The following DMXL1 variants were observed in gnomAD, a reference collection of about 807,000 sequenced individuals.
DMXL1 encodes the protein Dmx like 1, also known as dmX-like protein 1.
DMXL1 carries 99 observed loss-of-function variants against 319.2 expected under a neutral mutation model. That is an observed-to-expected ratio of 0.31 (90% CI 0.26 to 0.37). The LOEUF (loss-of-function observed/expected upper bound fraction) is 0.37. DMXL1 is among the 10% of genes least tolerant of loss of function. The probability of loss-of-function intolerance (pLI) is 1.00; values close to 1 mark genes in which losing one functional copy is unlikely to be tolerated. For synonymous variants in DMXL1, 1,385 were observed against 1,235.2 expected, an observed-to-expected ratio of 1.12 and a Z score of -2.54; for missense variants, 3,745 against 3,595.6, an observed-to-expected ratio of 1.04 and a Z score of -1.06.
chr5:119,133,366 G>C lies in DMXL1; in HGVS notation c.1550G>C (p.Gly517Ala). The stretch of plus-strand genomic sequence containing the variant: ...GATTGGCTGGATGAATACCAGCCTG[G>C]TATGTTTCGTCAAGTACAGGTACTA... ...HVDWLDEYQP[G>A]MFRQVQVSFV... Residue 517 changes from glycine to alanine, a missense_variant, in exon 11 of 44, where the codon GGT (glycine) becomes GCT (alanine). Physicochemically the swap from Gly to Ala is moderately conservative, Grantham distance 60. Around this residue, in one of 4 missense-constraint regions of DMXL1, gnomAD observed 2,096 missense variants for 1,985.4 expected, o/e 1.06. Transcript: ENST00000539542. 1 of 1,612,446 alleles carries C rather than the reference G, an allele frequency of 6.2e-7. No individual in the cohort carries two copies. Among genetic ancestry groups the C allele is most frequent in the Non-Finnish European group, 8.5e-7 (1 of 1,178,652 alleles).
At chr5:119,089,464 C>T (rs1316323029) in intron 1 of DMXL1, among the ~76,000 whole-genome samples, 4 of 149,562 alleles carry the variant, frequency 2.7e-5, no homozygotes, top group Non-Finnish European at 5.9e-5. Context: ...CACCACCACA[C>T]CCTGCTCATT....
At chr5:119,072,246 A>G (rs1226895271) in intron 1 of DMXL1, among the ~76,000 whole-genome samples, 1 of 152,178 alleles carries the variant, frequency 6.6e-6, no homozygotes, top group Non-Finnish European at 1.5e-5. Flanking sequence ...TAACCTGGTA[A>G]TCCCAGGTTA....
At chr5:119,091,944 G>C (rs995739664) in intron 1 of DMXL1, among the ~76,000 whole-genome samples, 4 of 152,118 alleles carry the variant, frequency 2.6e-5, no homozygotes, top group Non-Finnish European at 4.4e-5. Flanking sequence ...TATTTCTTTA[G>C]GCACTTGTGA....
At chr5:119,199,567 C>A (rs181971113) in intron 32 of DMXL1, among the ~76,000 whole-genome samples, 27 of 152,048 alleles carry the variant, frequency 1.8e-4, no homozygotes, top group Non-Finnish European at 2.4e-4. Context: ...TTTATATTAC[C>A]CTAGGTATAT....
At position 119,193,867 on chromosome 5, in the gene DMXL1, T is replaced by C; in HGVS notation, c.7354T>C (p.Ser2452Pro). Residue 2452 changes from serine (S) to proline (P), a missense_variant, in exon 30 of 44, where the codon TCA (serine) becomes CCA (proline). By Grantham distance (74) the Ser-to-Pro change is moderately conservative. Around this residue, in one of 4 missense-constraint regions of DMXL1, gnomAD observed 1,382 missense variants for 1,269.5 expected, o/e 1.09. Transcript: ENST00000539542. ...PSSQSRAEYD[S>P]EESLGSDDDD... is the part of the protein sequence containing the mutation. ...TTCTCAAAGTAGAGCCGAATATGAT[T>C]CAGAGGAGAGTCTGGGAAGTGATGA... 6.2e-7 allele frequency: 1 copy of C among 1,613,186 alleles called. No individual in the cohort carries two copies. Among genetic ancestry groups the C allele is most frequent in the South Asian group, 1.1e-5 (1 of 90,984 alleles).
intron 1 of DMXL1, among the ~76,000 whole-genome samples, chr5:119,095,196 C>T (rs992734440): frequency 3.3e-5 from 5 of 152,086 alleles, no homozygotes; most frequent in Admixed American, 1.3e-4. Flanking sequence ...ACCAAGACTA[C>T]GGAGACAGCT....
chr5:119,243,521 G>A (rs1280902833), intron 42 of DMXL1, among the ~76,000 whole-genome samples: 1 of 151,958 alleles, frequency 6.6e-6, no homozygotes, highest in South Asian at 2.1e-4. Flanking sequence ...CCTAAAATTT[G>A]TTAGGCTGGA....
chr5:119,121,243 A>G, intron 9 of DMXL1, 104 bp downstream of exon 9: 2 of 918,428 alleles, frequency 2.2e-6, no homozygotes, highest in South Asian at 2.8e-5. Flanking sequence ...ATTGGAGGTG[A>G]CTGTCTTAGC....
At chr5:119,160,030 T>C (rs1037993852) in intron 19 of DMXL1, among the ~76,000 whole-genome samples, 2 of 152,188 alleles carry the variant, frequency 1.3e-5, no homozygotes, top group East Asian at 3.8e-4. Flanking sequence ...GTTTATACTT[T>C]ATTTATTTCT....
intron 4 of DMXL1, among the ~76,000 whole-genome samples, chr5:119,106,240 C>G (rs1758315464): frequency 6.6e-6 from 1 of 152,140 alleles, no homozygotes; most frequent in Admixed American, 6.5e-5. Flanking sequence ...TGGCTGCATT[C>G]TGAGAGTGAA....
At chr5:119,218,695 G>A (rs1784126214) in intron 35 of DMXL1, among the ~76,000 whole-genome samples, 1 of 152,094 alleles carries the variant, frequency 6.6e-6, no homozygotes, top group African/African-American at 2.4e-5. Context: ...TCTTTACCTC[G>A]TGATCCGCCT....
intron 28 of DMXL1, among the ~76,000 whole-genome samples, chr5:119,182,601 T>C (rs1776975260): frequency 6.6e-6 from 1 of 151,780 alleles, no homozygotes; most frequent in South Asian, 2.1e-4. Flanking sequence ...TGTATTCTTG[T>C]AGTAACATAA....
At chr5:119,163,829 C>G (rs1772807053) in intron 19 of DMXL1, among the ~76,000 whole-genome samples, 1 of 152,172 alleles carries the variant, frequency 6.6e-6, no homozygotes, top group Non-Finnish European at 1.5e-5. Flanking sequence ...CCCGCCTCGG[C>G]CTCCCAAAGT....
chr5:119,203,245 G>A, intron 32 of DMXL1, 74 bp from the exon 33 acceptor site: 1 of 921,894 alleles, frequency 1.1e-6, no homozygotes, highest in Non-Finnish European at 1.6e-6. Context: ...AATTTATATG[G>A]CACCAAGGAA....
rs1235666019 is a variant in DMXL1 at position 119,203,509 on chromosome 5, G to A, written c.7863+73G>A. The A allele has an allele frequency of 1.4e-5, 12 of 852,586 alleles. No homozygotes were observed. In the South Asian group the frequency reaches 2.5e-4, roughly 18 times the overall value. 52.8% of individuals were successfully genotyped at this position (852,586 alleles called of 1,614,324 possible). Reference sequence around the variant, plus strand: ...TATATTATCATGTAACCATTAAAATGAGTTGTATTTTACAGATTTTTTGAA... The same window carrying A: ...TATATTATCATGTAACCATTAAAATAAGTTGTATTTTACAGATTTTTTGAA... On this transcript the variant is annotated intron_variant, in intron 33 of 43. Transcript: ENST00000539542.
At chr5:119,122,081 C>CG (rs1762223781) in intron 9 of DMXL1, among the ~76,000 whole-genome samples, 2 of 140,332 alleles carry the variant, frequency 1.4e-5, no homozygotes, top group South Asian at 4.6e-4. Flanking sequence ...GCTGGCCGGG[C>CG]GGGGGGCTGA....
At position 119,095,039 on chromosome 5, in the gene DMXL1, T is replaced by C. The variant is rs1374246773; in HGVS notation, c.88-2940T>C. Among the ~76,000 whole-genome samples, 4 of 152,064 alleles carry C rather than the reference T, an allele frequency of 2.6e-5. No individual in the cohort carries two copies. The East Asian group carries it at 7.7e-4, about 29-fold the overall frequency. On this transcript the variant is annotated intron_variant, in intron 1 of 43. Transcript: ENST00000539542. ...ACCAGCTAATTTTTTGTGTTTTCTG[T>C]AGAGCTGGTTTTGCCATGTTGCCCA...
chr5:119,232,546 C>G (rs995642369), intron 38 of DMXL1, among the ~76,000 whole-genome samples: 5 of 152,010 alleles, frequency 3.3e-5, no homozygotes, highest in Non-Finnish European at 1.5e-5. Context: ...CACAACTGTC[C>G]AGTGACTTAT....
intron 25 of DMXL1, 100 bp downstream of exon 25, chr5:119,172,069 T>C: frequency 9.0e-7 from 1 of 1,108,760 alleles, no homozygotes; most frequent in Non-Finnish European, 1.3e-6. Context: ...AACATCAGAC[T>C]AAGCATAGCA....
Sources: allele counts gnomAD v4.1 joint callset (sites outside exome capture counted in the v4.1 genomes callset), GRCh38; gene constraint gnomAD v4.1.1; regional missense constraint gnomAD v4.1.1; transcripts MANE v1.5; gene names NCBI Gene and HGNC (gene_info 2026-07-23, HGNC 2026-07-21).